The following VAT1L variants were observed in gnomAD, a reference collection of about 807,000 sequenced individuals.
The protein encoded by VAT1L is putative NADPH-dependent quinone oxidoreductase VAT1L.
Under a neutral mutation model 44.1 loss-of-function variants are expected in VAT1L, and 34 were observed. The ratio of observed to expected loss-of-function variants is 0.77; its 90% CI spans 0.59 to 1.03. The LOEUF (loss-of-function observed/expected upper bound fraction) is 1.03, where lower values mean the gene tolerates loss of function less well. VAT1L is among the 50% of genes least tolerant of loss of function. The pLI, the probability that VAT1L is intolerant of heterozygous loss-of-function variation, is 0.00. For missense variants in VAT1L, 615 were observed against 538.8 expected (o/e 1.14, Z -1.40); for synonymous variants, 253 against 202.2 (o/e 1.25, Z -2.13).
At chr16:77,961,559 C>A (rs1202495255) in intron 7 of VAT1L, among the ~76,000 whole-genome samples, 2 of 152,162 alleles carry the variant, frequency 1.3e-5, no homozygotes, top group Non-Finnish European at 2.9e-5. Flanking sequence ...TCACAACAGC[C>A]AGGTAGCACC....
intron 3 of VAT1L, among the ~76,000 whole-genome samples, chr16:77,857,510 G>T (rs182212242): frequency 2.6e-5 from 4 of 152,042 alleles, no homozygotes; most frequent in East Asian, 3.9e-4. Context: ...GAACAGAAAG[G>T]CCGCAAGTAG....
intron 8 of VAT1L, among the ~76,000 whole-genome samples, chr16:77,974,930 C>T (rs958517360): frequency 2.0e-5 from 3 of 151,998 alleles, no homozygotes; most frequent in Non-Finnish European, 4.4e-5. Context: ...AATGGGTAAT[C>T]AGAGCAACCA....
Position 77,816,951 on chromosome 16 carries a change from A to G in VAT1L, c.264A>G (p.Arg88=). The change falls in exon 2 of 9, where the codon CGA becomes CGG. Residue 88 remains arginine, a synonymous_variant. Coordinates refer to ENST00000302536, the MANE Select transcript of VAT1L (RefSeq NM_020927.3). ...TAAACTTCATTGACTTGATGGTGCG[A>G]CAAGGGAATATTGACAACCCTCCCA... ...CGLNFIDLMV[R]QGNIDNPPKT... is the part of the protein sequence containing the mutation. The G allele has an allele frequency of 6.2e-7, 1 of 1,613,950 alleles. No homozygotes were observed. The highest frequency in any genetic ancestry group is 8.5e-7 in the Non-Finnish European group (1 of 1,179,906).
chr16:77,921,445 G>C (rs1000361382), intron 7 of VAT1L, among the ~76,000 whole-genome samples: 7 of 152,190 alleles, frequency 4.6e-5, no homozygotes, highest in Non-Finnish European at 8.8e-5. Flanking sequence ...TCCAGTGGGA[G>C]AGAAAACTAT....
chr16:77,873,294 A>G (rs2017051386), intron 4 of VAT1L, among the ~76,000 whole-genome samples: 3 of 152,138 alleles, frequency 2.0e-5, no homozygotes, highest in African/African-American at 7.2e-5. Flanking sequence ...CCGTGATTTC[A>G]TTTTTTTAAA....
chr16:77,842,233 A>T (rs2016714807), intron 3 of VAT1L, among the ~76,000 whole-genome samples: 1 of 152,182 alleles, frequency 6.6e-6, no homozygotes, highest in South Asian at 2.1e-4. Flanking sequence ...TCCAAGGAGA[A>T]AGTCTAAAAA....
intron 1 of VAT1L, among the ~76,000 whole-genome samples, chr16:77,812,679 A>T (rs1257231125): frequency 1.3e-5 from 2 of 152,198 alleles, no homozygotes; most frequent in African/African-American, 2.4e-5. Context: ...CAAATATAAG[A>T]AAGTGTTATT....
At chr16:77,901,603 A>G (rs2017384462) in intron 7 of VAT1L, among the ~76,000 whole-genome samples, 1 of 152,156 alleles carries the variant, frequency 6.6e-6, no homozygotes, top group South Asian at 2.1e-4. Context: ...GGTGGAATAC[A>G]TTTCTCTTTA....
intron 1 of VAT1L, among the ~76,000 whole-genome samples, chr16:77,809,176 G>C (rs1429988611): frequency 6.6e-6 from 1 of 152,160 alleles, no homozygotes; most frequent in Non-Finnish European, 1.5e-5. Flanking sequence ...ATGTGCTTTG[G>C]TTTTGTTCTT....
intron 7 of VAT1L, among the ~76,000 whole-genome samples, chr16:77,924,196 T>G (rs1412073040): frequency 6.6e-6 from 1 of 151,918 alleles, no homozygotes; most frequent in East Asian, 1.9e-4. Flanking sequence ...TTTGAAAGTC[T>G]GAAACTCTTC....
At chr16:77,862,038 A>G (rs2016919946) in intron 3 of VAT1L, among the ~76,000 whole-genome samples, 1 of 152,184 alleles carries the variant, frequency 6.6e-6, no homozygotes. Flanking sequence ...TACCCAAACT[A>G]AGACATCTGC....
intron 1 of VAT1L, among the ~76,000 whole-genome samples, chr16:77,798,949 C>CTCCTCTCCTTCCCCTTCCATCTTTCA (rs1308259628): frequency 2.6e-5 from 4 of 152,092 alleles, no homozygotes; most frequent in African/African-American, 9.6e-5. Flanking sequence ...TCTAGGCTTT[C>CTCCTCTCCTTCCCCTTCCATCTTTCA]TCCTCTCCTT....
intron 7 of VAT1L, among the ~76,000 whole-genome samples, chr16:77,902,736 G>GGA (rs758660066): frequency 7.7e-6 from 1 of 129,064 alleles, no homozygotes; most frequent in South Asian, 2.6e-4. Context: ...GGGGGGTGGG[G>GGA]GGGGTGTGGA....
At chr16:77,859,030 G>T (rs1375453857) in intron 3 of VAT1L, among the ~76,000 whole-genome samples, 3 of 151,982 alleles carry the variant, frequency 2.0e-5, no homozygotes, top group Admixed American at 1.3e-4. Context: ...AGCTACCCTG[G>T]AGGCTGAGGC....
intron 1 of VAT1L, 81 bp downstream of exon 1, chr16:77,788,996 A>T (rs2015782825): frequency 7.1e-7 from 1 of 1,407,962 alleles, no homozygotes; most frequent in Non-Finnish European, 9.3e-7. Flanking sequence ...TGCGGCTGGG[A>T]TGCTGCCCGG....
intron 4 of VAT1L, among the ~76,000 whole-genome samples, chr16:77,866,091 G>A (rs1020057577): frequency 6.6e-6 from 1 of 152,176 alleles, no homozygotes; most frequent in Non-Finnish European, 1.5e-5. Context: ...TGCCCAGGAA[G>A]TTACAGATAC....
At chr16:77,972,538 G>C (rs1597128506) in intron 8 of VAT1L, among the ~76,000 whole-genome samples, 1 of 152,052 alleles carries the variant, frequency 6.6e-6, no homozygotes, top group African/African-American at 2.4e-5. Context: ...CCCAGCACTT[G>C]GGGAGGCTGA....
intron 4 of VAT1L, among the ~76,000 whole-genome samples, chr16:77,867,786 G>C (rs948280287): frequency 6.6e-6 from 1 of 151,582 alleles, no homozygotes; most frequent in South Asian, 2.1e-4. Context: ...TTGAACCCAG[G>C]AGGTGGAGGT....
At chr16:77,945,929 G>A (rs1349086420) in intron 7 of VAT1L, among the ~76,000 whole-genome samples, 3 of 151,870 alleles carry the variant, frequency 2.0e-5, no homozygotes, top group African/African-American at 7.3e-5. Flanking sequence ...AGCCTCTGGA[G>A]TAGCTGGGAT....
Sources: gnomAD v4.1 joint callset for allele counts (sites outside exome capture counted in the v4.1 genomes callset) on GRCh38, gnomAD v4.1.1 for gene constraint, MANE v1.5 for transcripts, NCBI Gene and HGNC (gene_info 2026-07-23, HGNC 2026-07-21) for gene names.